TRUB1: variants seen among roughly 807,000 people sequenced by gnomAD.
TRUB1 encodes TruB pseudouridine synthase family member 1, also known as pseudouridylate synthase TRUB1.
In TRUB1, 23 loss-of-function variants were observed where a neutral mutation model predicts 33.9. That is an observed-to-expected ratio of 0.68 (90% CI 0.49 to 0.96). The LOEUF (loss-of-function observed/expected upper bound fraction) is 0.96, where lower values mean the gene tolerates loss of function less well. Ranked by LOEUF, TRUB1 falls within the 40% of genes least tolerant of loss-of-function variation. The pLI is 0.00. For synonymous variants in TRUB1, 163 were observed against 165.4 expected (o/e 0.99, Z 0.11); for missense variants, 378 against 422.2 (o/e 0.90, Z 0.92).
chr10:114,945,594 T>C (rs2084207813), intron 2 of TRUB1, among the ~76,000 whole-genome samples: 1 of 152,238 alleles, frequency 6.6e-6, no homozygotes, highest in Admixed American at 6.5e-5. Flanking sequence ...CTTTGGCCTG[T>C]GGGCTGCACG....
chr10:114,949,412 T>G (rs2084224491), intron 2 of TRUB1, among the ~76,000 whole-genome samples: 1 of 152,172 alleles, frequency 6.6e-6, no homozygotes, highest in Admixed American at 6.5e-5. Context: ...GTTTTTGATC[T>G]TAGACCTTGA....
At position 114,972,354 on chromosome 10, in the gene TRUB1, A is replaced by T. The variant is rs78260109; in HGVS notation, c.736+80A>T. The T allele has an allele frequency of 1.8e-4, 254 of 1,426,770 alleles. No homozygotes were observed. In the African/African-American group the frequency reaches 3.3e-3, roughly 19 times the overall value. 88.4% of individuals were successfully genotyped at this position (1,426,770 alleles called of 1,614,324 possible). ...TTGGCTACTTTTGTGTCATTTTAAT[A>T]GATCCGTAGGATGTTGGAGATTTTT... On this transcript the variant is annotated intron_variant, in intron 6 of 7. Transcript: ENST00000298746.
chr10:114,948,519 A>G (rs1447565370), intron 2 of TRUB1, among the ~76,000 whole-genome samples: 1 of 152,216 alleles, frequency 6.6e-6, no homozygotes, highest in Non-Finnish European at 1.5e-5. Context: ...AAGGGAAAAA[A>G]TGCCGAGTAA....
chr10:114,954,688 A>C (rs1456433172), intron 3 of TRUB1, among the ~76,000 whole-genome samples: 1 of 151,326 alleles, frequency 6.6e-6, no homozygotes, highest in African/African-American at 2.4e-5. Context: ...GATTATGTGT[A>C]TAATGTGTGT....
chr10:114,966,527 A>C (rs2084309651), intron 4 of TRUB1, among the ~76,000 whole-genome samples: 1 of 152,184 alleles, frequency 6.6e-6, no homozygotes, highest in African/African-American at 2.4e-5. Context: ...ACACACTCAA[A>C]ATCTACTGGC....
At chr10:114,949,963 A>G (rs1016539692) in intron 2 of TRUB1, among the ~76,000 whole-genome samples, 1 of 139,228 alleles carries the variant, frequency 7.2e-6, no homozygotes, top group African/African-American at 2.8e-5. Context: ...CAATGGTGTG[A>G]TCTTGGCTCA....
intron 4 of TRUB1, among the ~76,000 whole-genome samples, chr10:114,967,221 C>T (rs1171535662): frequency 6.6e-6 from 1 of 152,166 alleles, no homozygotes; most frequent in Non-Finnish European, 1.5e-5. Flanking sequence ...CTCTGTCCCA[C>T]AGTTAAGAAA....
intron 2 of TRUB1, 58 bp downstream of exon 2, chr10:114,942,801 C>A: frequency 8.8e-7 from 1 of 1,133,890 alleles, no homozygotes; most frequent in Non-Finnish European, 1.3e-6. Context: ...GAAAGAAACA[C>A]TGGTTGAGAA....
Position 114,976,786 on chromosome 10 carries a change from C to T in TRUB1, c.*1407C>T, listed in dbSNP as rs2084363162. The stretch of plus-strand genomic sequence containing the variant: ...CATATTTTAAATGAAAACACTAAAA[C>T]AATTCTTAGTATGAGACAAAACTGT... On this transcript the variant is annotated 3_prime_UTR_variant, in exon 8 of 8. Transcript: ENST00000298746. 5.8e-5 allele frequency: 8 copies of T among 138,926 alleles called. No homozygotes were observed. The South Asian group carries it at 1.7e-3, about 29-fold the overall frequency. The allele number at this position is 138,926 out of a possible 1,614,324, so 8.6% of individuals were successfully genotyped here.
At chr10:114,960,075 T>C (rs1406254451) in intron 4 of TRUB1, 3 of 365,490 alleles carry the variant, frequency 8.2e-6, no homozygotes, top group African/African-American at 4.3e-5. Context: ...TGCAAAAGCA[T>C]GTATGGCTAG....
At chr10:114,954,509 C>A (rs1472948129) in intron 3 of TRUB1, among the ~76,000 whole-genome samples, 1 of 152,164 alleles carries the variant, frequency 6.6e-6, no homozygotes, top group African/African-American at 2.4e-5. Context: ...ATCAGACCAC[C>A]CAAATCATTT....
intron 3 of TRUB1, among the ~76,000 whole-genome samples, chr10:114,957,797 G>A (rs1284049731): frequency 6.6e-6 from 1 of 152,140 alleles, no homozygotes; most frequent in African/African-American, 2.4e-5. Flanking sequence ...ATACATTCAA[G>A]GCATAGTCTG....
At position 114,970,422 on chromosome 10, in the gene TRUB1, T is replaced by C; in HGVS notation, c.578T>C (p.Ile193Thr). 4 of 1,611,206 alleles carry C rather than the reference T, an allele frequency of 2.5e-6. No individual in the cohort carries two copies. The highest frequency in any genetic ancestry group is 1.7e-6 in the Non-Finnish European group (2 of 1,177,848). The change falls in exon 5 of 8, where the codon ATA (isoleucine) becomes ACA (threonine). Residue 193 changes from isoleucine (I) to threonine (T), a missense_variant. Transcript: ENST00000298746. ...ATTCTACAGAAATTTACTGGAAATA[T>C]AATGCAAGTGCCCCCCCTGTAAGTT... ...EGILQKFTGN[I>T]MQVPPLYSAL...
At chr10:114,946,205 G>T (rs548200924) in intron 2 of TRUB1, among the ~76,000 whole-genome samples, 1 of 152,100 alleles carries the variant, frequency 6.6e-6, no homozygotes, top group African/African-American at 2.4e-5. Flanking sequence ...TTCACTGAAC[G>T]TGTCTTCATC....
At chr10:114,973,998 T>C (rs2084347835) in intron 6 of TRUB1, among the ~76,000 whole-genome samples, 1 of 152,188 alleles carries the variant, frequency 6.6e-6, no homozygotes, top group Non-Finnish European at 1.5e-5. Flanking sequence ...AAAATATTTT[T>C]TAAAATCTCA....
At chr10:114,955,935 A>G (rs540769151) in intron 3 of TRUB1, among the ~76,000 whole-genome samples, 3 of 152,352 alleles carry the variant, frequency 2.0e-5, no homozygotes, top group South Asian at 4.1e-4. Flanking sequence ...GGTTTTTTAA[A>G]AAGTGTTCTT....
Position 114,938,308 on chromosome 10 carries a change from TC to T in TRUB1, c.59del (p.Pro20LeufsTer49). ...TTCGCCGTCTTTGAAAACAGACACATCCCCTGTCCTTGAAACTGCAGGAACG... is the reference window on the plus strand; with the variant it reads ...TTCGCCGTCTTTGAAAACAGACACATCCCTGTCCTTGAAACTGCAGGAACG... ...VSSPSLKTDT[S>X]PVLETAGTVA... On this transcript the variant is annotated frameshift_variant, in exon 1 of 8. Coordinates refer to ENST00000298746, the MANE Select transcript of TRUB1 (RefSeq NM_139169.5). LOFTEE classifies it high-confidence loss of function. 6.2e-7 allele frequency: 1 copy of T among 1,613,680 alleles called. No homozygotes were observed. The highest frequency in any genetic ancestry group is 8.5e-7 in the Non-Finnish European group (1 of 1,179,892).
chr10:114,940,367 C>A (rs557763030), intron 1 of TRUB1, among the ~76,000 whole-genome samples: 1 of 152,006 alleles, frequency 6.6e-6, no homozygotes, highest in Non-Finnish European at 1.5e-5. Flanking sequence ...GTGATCTGCC[C>A]GCCTCAGCCT....
In TRUB1 at chr10:114,938,329, G is replaced by A; in HGVS notation, c.76G>A (p.Gly26Arg). 1.2e-6 allele frequency: 2 copies of A among 1,613,822 alleles called. No individual in the cohort carries two copies. The highest frequency in any genetic ancestry group is 2.2e-5 in the South Asian group (2 of 91,048). Residue 26 changes from glycine to arginine, a missense_variant, in exon 1 of 8, where the codon GGA (glycine) becomes AGA (arginine). By Grantham distance (125) the Gly-to-Arg change is moderately radical. Transcript: ENST00000298746. ...TDTSPVLETA[G>R]TVAAMAATPS... is the part of the protein sequence containing the mutation. ...CACATCCCCTGTCCTTGAAACTGCA[G>A]GAACGGTCGCAGCAATGGCTGCGAC...
Sources: gnomAD v4.1 joint callset for allele counts (sites outside exome capture counted in the v4.1 genomes callset) on GRCh38, gnomAD v4.1.1 for gene constraint, MANE v1.5 for transcripts, NCBI Gene and HGNC (gene_info 2026-07-23, HGNC 2026-07-21) for gene names.